KDM5A: variants seen among roughly 807,000 people sequenced by gnomAD.
KDM5A encodes the protein lysine-specific demethylase 5A.
KDM5A carries 42 observed loss-of-function variants against 193.5 expected under a neutral mutation model. The ratio of observed to expected loss-of-function variants is 0.22; its 90% CI spans 0.17 to 0.28. KDM5A has a LOEUF of 0.28. KDM5A is among the 10% of genes least tolerant of loss of function. The probability of loss-of-function intolerance (pLI) is 1.00; values close to 1 mark genes in which losing one functional copy is unlikely to be tolerated. For missense variants in KDM5A, 1,692 were observed against 2,055.1 expected, an observed-to-expected ratio of 0.82 and a Z score of 3.42; for synonymous variants, 796 against 718.1, an observed-to-expected ratio of 1.11 and a Z score of -1.73.
At chr12:325,002 T>TA (rs1439878662) in intron 14 of KDM5A, among the ~76,000 whole-genome samples, 1 of 152,220 alleles carries the variant, frequency 6.6e-6, no homozygotes. Flanking sequence ...AATTCTGCAA[T>TA]AAGAGCAAAC....
chr12:287,708 C>A (rs1357498874), intron 27 of KDM5A, among the ~76,000 whole-genome samples: 1 of 152,080 alleles, frequency 6.6e-6, no homozygotes, highest in Non-Finnish European at 1.5e-5. Flanking sequence ...TATAATGGTA[C>A]CTGTGAACCA....
intron 25 of KDM5A, among the ~76,000 whole-genome samples, chr12:296,189 G>A (rs1406668440): frequency 4.0e-5 from 6 of 151,848 alleles, no homozygotes; most frequent in African/African-American, 1.5e-4. Context: ...GCGTGGTGGC[G>A]CATGCCTATA....
At chr12:294,846 T>C (rs912572636) in intron 26 of KDM5A, among the ~76,000 whole-genome samples, 4 of 152,204 alleles carry the variant, frequency 2.6e-5, no homozygotes, top group African/African-American at 9.6e-5. Context: ...ATGGGTAAAA[T>C]ACTTGCCCTC....
chr12:320,835 C>T lies in KDM5A; in HGVS notation c.2541+160G>A, dbSNP rs1356014530. Among the ~76,000 whole-genome samples the T allele has an allele frequency of 2.0e-5, 3 of 151,688 alleles. No individual in the cohort carries two copies. In the East Asian group the frequency reaches 5.8e-4, roughly 29 times the overall value. On this transcript the variant is annotated intron_variant, in intron 18 of 27. Coordinates refer to ENST00000399788, the MANE Select transcript of KDM5A (RefSeq NM_001042603.3). ...TGGGGAATAATGGCTAAGAACAAAACCAAAAAACTGCCTACTAAAGAACCT... is the reference window on the plus strand; with the variant it reads ...TGGGGAATAATGGCTAAGAACAAAATCAAAAAACTGCCTACTAAAGAACCT...
intron 14 of KDM5A, among the ~76,000 whole-genome samples, chr12:327,847 T>G (rs1254126356): frequency 6.6e-6 from 1 of 152,172 alleles, no homozygotes; most frequent in Non-Finnish European, 1.5e-5. Flanking sequence ...GCTCCACCAC[T>G]ACGAAAAATT....
chr12:291,254 G>A (rs1943290133), intron 27 of KDM5A, among the ~76,000 whole-genome samples: 1 of 152,150 alleles, frequency 6.6e-6, no homozygotes. Context: ...GTCTGCCTTG[G>A]AAGATTAGAC....
At chr12:355,290 T>C (rs1009369968) in intron 6 of KDM5A, 41 bp from the exon 7 acceptor site, 1 of 1,094,304 alleles carries the variant, frequency 9.1e-7, no homozygotes, top group South Asian at 1.2e-5. Context: ...AAAACCAATG[T>C]TGAGAGCTTA....
At chr12:380,847 G>C (rs1248829528) in intron 3 of KDM5A, among the ~76,000 whole-genome samples, 1 of 152,076 alleles carries the variant, frequency 6.6e-6, no homozygotes, top group Non-Finnish European at 1.5e-5. Flanking sequence ...CCAGGCTGGA[G>C]TGCAGTGGTA....
At chr12:323,879 C>T (rs1943751865) in intron 14 of KDM5A, 98 bp from the exon 15 acceptor site, 1 of 923,958 alleles carries the variant, frequency 1.1e-6, no homozygotes, top group Non-Finnish European at 1.8e-6. Context: ...AAATCTCTGA[C>T]TTAAAGGTAT....
At chr12:386,733 G>C (rs879362784) in intron 1 of KDM5A, among the ~76,000 whole-genome samples, 2 of 152,128 alleles carry the variant, frequency 1.3e-5, no homozygotes, top group Admixed American at 1.3e-4. Context: ...TTCGGATTTG[G>C]AATTTTTAAA....
chr12:312,514 T>C (rs1183207163), intron 20 of KDM5A, among the ~76,000 whole-genome samples: 3 of 152,198 alleles, frequency 2.0e-5, no homozygotes, highest in African/African-American at 7.2e-5. Context: ...ACTAATTCCA[T>C]CATCTTTCAT....
chr12:331,055 CAAT>C (rs1470716205), intron 13 of KDM5A, among the ~76,000 whole-genome samples: 1 of 150,946 alleles, frequency 6.6e-6, no homozygotes, highest in Non-Finnish European at 1.5e-5. Context: ...GCAGAGATCT[CAAT>C]ATTATACTCT....
intron 19 of KDM5A, among the ~76,000 whole-genome samples, chr12:316,762 T>C (rs1457307033): frequency 1.3e-5 from 2 of 152,220 alleles, no homozygotes; most frequent in Non-Finnish European, 2.9e-5. Context: ...TTTTAGTATG[T>C]ATTCTGCATG....
At chr12:288,510 G>A (rs1471211664) in intron 27 of KDM5A, among the ~76,000 whole-genome samples, 1 of 152,116 alleles carries the variant, frequency 6.6e-6, no homozygotes, top group African/African-American at 2.4e-5. Flanking sequence ...ATGTTTTGCT[G>A]TATGGTTTCA....
At chr12:298,559 G>C (rs988701894) in intron 24 of KDM5A, among the ~76,000 whole-genome samples, 1 of 152,196 alleles carries the variant, frequency 6.6e-6, no homozygotes, top group African/African-American at 2.4e-5. Context: ...CAACATCAAA[G>C]ACCAAAGGTA....
intron 6 of KDM5A, 134 bp downstream of exon 6, chr12:356,298 T>C (rs915963788): frequency 5.3e-5 from 36 of 676,372 alleles, no homozygotes; most frequent in Non-Finnish European, 9.0e-5. Context: ...AAAAGGCGAT[T>C]TGCCTAGGAA....
In KDM5A at chr12:282,706, C is replaced by T. The variant is rs986213604; in HGVS notation, c.*2750G>A. 1 of 232,652 alleles carries T rather than the reference C, an allele frequency of 4.3e-6. No homozygotes were observed. Among genetic ancestry groups the T allele is most frequent in the Admixed American group, 5.6e-5 (1 of 17,770 alleles). 14.4% of individuals were successfully genotyped at this position (232,652 alleles called of 1,614,324 possible). A position where few individuals can be genotyped will look rare whatever the true frequency, so the allele number is the denominator to read the frequency against. On this transcript the variant is annotated 3_prime_UTR_variant, in exon 28 of 28. Coordinates refer to ENST00000399788, the MANE Select transcript of KDM5A (RefSeq NM_001042603.3). ...TTAAAATACTAATGATGAAGAATTG[C>T]AACTTCAGTTGCAGTTTAGAGGAGA... is the stretch of plus-strand genomic sequence containing the variant.
chr12:326,170 T>TA (rs1173426791), intron 14 of KDM5A, among the ~76,000 whole-genome samples: 1 of 152,146 alleles, frequency 6.6e-6, no homozygotes, highest in East Asian at 1.9e-4. Context: ...ACTGAGATGA[T>TA]AAAAATCTAA....
At position 346,013 on chromosome 12, in the gene KDM5A, C is replaced by A. The variant is rs551643216; in HGVS notation, c.1308+4608G>T. Among the ~76,000 whole-genome samples, 449 of 152,016 alleles carry A rather than the reference C, an allele frequency of 3.0e-3. 1 individual carries two copies. The highest frequency in any genetic ancestry group is 0.01 in the African/African-American group (428 of 41,478). ...TGAAAAGATCAACAAAATTGATAGA[C>A]CACGAGCAAGACTAATAAAAAAGAA... On this transcript the variant is annotated intron_variant, in intron 10 of 27. Transcript: ENST00000399788.
Sources: allele counts gnomAD v4.1 joint callset (sites outside exome capture counted in the v4.1 genomes callset), GRCh38; gene constraint gnomAD v4.1.1; transcripts MANE v1.5; gene names NCBI Gene and HGNC (gene_info 2026-07-23, HGNC 2026-07-21).